The following ACAT2 variants were observed in gnomAD, a reference collection of about 807,000 sequenced individuals.
The protein encoded by ACAT2 is acetyl-CoA acetyltransferase, cytosolic.
Under a neutral mutation model 37.1 loss-of-function variants are expected in ACAT2, and 26 were observed. The observed-to-expected ratio is 0.70, with a 90% CI of 0.51 to 0.97. The LOEUF (loss-of-function observed/expected upper bound fraction) is 0.97, where lower values mean the gene tolerates loss of function less well. Among genes scored for constraint, ACAT2 ranks in the 50% least tolerant of loss-of-function variants. The pLI is 0.00. For missense variants in ACAT2, 468 were observed against 489.0 expected, an observed-to-expected ratio of 0.96 and a Z score of 0.40; for synonymous variants, 156 against 163.6, an observed-to-expected ratio of 0.95 and a Z score of 0.35.
At chr6:159,766,950 T>G in intron 2 of ACAT2, 55 bp from the exon 3 acceptor site, 1 of 1,603,078 alleles carries the variant, frequency 6.2e-7, no homozygotes, top group Non-Finnish European at 8.5e-7. Flanking sequence ...ACTTTCACTG[T>G]GACATTTTGT....
rs1562477295 is a variant in ACAT2 at position 159,769,183 on chromosome 6, T to C, written c.490+555T>C. On this transcript the variant is annotated intron_variant, in intron 4 of 8. Coordinates refer to ENST00000367048, the MANE Select transcript of ACAT2 (RefSeq NM_005891.3). ...GCTCTGGTTTTATGTAACACATAAA[T>C]ATGTGAAAAAGGTAATGGGGAAAAG... Among the ~76,000 whole-genome samples the C allele has an allele frequency of 2.6e-5, 4 of 152,248 alleles. No homozygotes were observed. In the South Asian group the frequency reaches 8.3e-4, roughly 32 times the overall value.
At chr6:159,762,641 G>A (rs1266043896) in intron 1 of ACAT2, 19 of 1,438,216 alleles carry the variant, frequency 1.3e-5, no homozygotes, top group Middle Eastern at 1.8e-4. Flanking sequence ...GGGAAGCATG[G>A]GGTCGCATCC....
intron 3 of ACAT2, among the ~76,000 whole-genome samples, chr6:159,768,149 G>A (rs1583126713): frequency 6.6e-6 from 1 of 152,132 alleles, no homozygotes; most frequent in South Asian, 2.1e-4. Flanking sequence ...CATTGAAATA[G>A]GTAACACATT....
At chr6:159,771,321 G>A (rs537800575) in intron 4 of ACAT2, among the ~76,000 whole-genome samples, 2 of 151,788 alleles carry the variant, frequency 1.3e-5, no homozygotes, top group East Asian at 1.9e-4. Context: ...CGGAGGTTGC[G>A]TTGAGCTGAG....
chr6:159,773,880 T>C (rs1780376139), intron 4 of ACAT2, among the ~76,000 whole-genome samples: 1 of 152,218 alleles, frequency 6.6e-6, no homozygotes, highest in African/African-American at 2.4e-5. Context: ...ATCTTACCAA[T>C]AGAAGGAATG....
chr6:159,778,381 G>GA, intron 8 of ACAT2, 101 bp downstream of exon 8: 1 of 480,958 alleles, frequency 2.1e-6, no homozygotes, highest in South Asian at 2.7e-5. Flanking sequence ...AATAGTTAAA[G>GA]AAATACTAGT....
At chr6:159,768,896 G>A (rs1254461793) in intron 4 of ACAT2, among the ~76,000 whole-genome samples, 1 of 152,174 alleles carries the variant, frequency 6.6e-6, no homozygotes, top group Non-Finnish European at 1.5e-5. Context: ...CACAAATAGT[G>A]CTTCTGTGGC....
At chr6:159,778,440 AAAAAAAAAAGACATTGGCTTACTTGGCAT>A in intron 8 of ACAT2, 160 bp downstream of exon 8, 2 of 694,886 alleles carry the variant, frequency 2.9e-6, no homozygotes, top group African/African-American at 1.9e-5. Flanking sequence ...AAAAAAAAAA[AAAAAAAAAAGACATTGGCTTACTTGGCAT>A]AAAAGGAACG....
chr6:159,776,791 CT>C (rs575925293), intron 6 of ACAT2, among the ~76,000 whole-genome samples: 1 of 151,296 alleles, frequency 6.6e-6, no homozygotes, highest in East Asian at 1.9e-4. Flanking sequence ...TGCTGTAATC[CT>C]TTTTTTTTCT....
At position 159,764,121 on chromosome 6, in the gene ACAT2, G is replaced by A. The variant is rs1214567002; in HGVS notation, c.190+1068G>A. ...CTCCTTTTAAAAAGAAGAAGAAGAA[G>A]CAGCAGCAGGGCCAGCCTGACGCAT... On this transcript the variant is annotated intron_variant, in intron 2 of 8. Transcript: ENST00000367048. Among the ~76,000 whole-genome samples the A allele has an allele frequency of 4.6e-5, 7 of 151,808 alleles. No homozygotes were observed. In the South Asian group the frequency reaches 1.5e-3, roughly 32 times the overall value.
At chr6:159,764,959 A>C (rs1455044626) in intron 2 of ACAT2, among the ~76,000 whole-genome samples, 2 of 152,214 alleles carry the variant, frequency 1.3e-5, no homozygotes, top group East Asian at 3.9e-4. Context: ...TACCTTCTAC[A>C]ATCATGTAAC....
At position 159,775,303 on chromosome 6, in the gene ACAT2, A is replaced by G; in HGVS notation, c.624A>G (p.Ser208=). ...AAGAGATTGTACCAGTTTTGGTGTCAACTAGAAAAGGTGAGTATATCATAG... is the reference window on the plus strand; with the variant it reads ...AAGAGATTGTACCAGTTTTGGTGTCGACTAGAAAAGGTGAGTATATCATAG... The part of the protein sequence containing the change: ...FDKEIVPVLV[S]TRKGLIEVKT... The change falls in exon 5 of 9, where the codon TCA becomes TCG. Residue 208 remains serine (S), a synonymous_variant. Coordinates refer to ENST00000367048, the MANE Select transcript of ACAT2 (RefSeq NM_005891.3). 6.2e-7 allele frequency: 1 copy of G among 1,614,206 alleles called. No individual in the cohort carries two copies. The highest frequency in any genetic ancestry group is 8.5e-7 in the Non-Finnish European group (1 of 1,180,010).
chr6:159,773,759 G>A (rs1780374003), intron 4 of ACAT2, among the ~76,000 whole-genome samples: 2 of 152,162 alleles, frequency 1.3e-5, no homozygotes, highest in African/African-American at 4.8e-5. Flanking sequence ...TGAGAGTAAT[G>A]AGTTATAACT....
At chr6:159,763,629 CTTTTTTTTTTTTTTTTTTT>C (rs765044833) in intron 2 of ACAT2, among the ~76,000 whole-genome samples, 7 of 76,376 alleles carry the variant, frequency 9.2e-5, no homozygotes, top group Admixed American at 2.0e-4. Flanking sequence ...TTTTCTTTTC[CTTTTTTTTTTTTTTTTTTT>C]TTTTTTTTTG....
At chr6:159,769,514 A>G (rs1480676825) in intron 4 of ACAT2, among the ~76,000 whole-genome samples, 4 of 152,250 alleles carry the variant, frequency 2.6e-5, no homozygotes, top group Admixed American at 6.5e-5. Context: ...TTAGAAAAAA[A>G]GAAAAGAAAA....
rs140579890 is a variant in ACAT2, at chr6:159,774,766, C to G, written c.491-404C>G. ...CAATTTCTTGAGTTTTATAACTGTG[C>G]TTATGTAAGAAAGTGGCCTTGTTTT... On this transcript the variant is annotated intron_variant, in intron 4 of 8. Coordinates refer to ENST00000367048, the MANE Select transcript of ACAT2 (RefSeq NM_005891.3). 3.7e-3 allele frequency among the ~76,000 whole-genome samples: 557 copies of G among 152,232 alleles called. 3 individuals are homozygous for G. The highest frequency in any genetic ancestry group is 6.4e-3 in the Non-Finnish European group (436 of 68,020).
At chr6:159,767,229 G>T in intron 3 of ACAT2, 43 bp downstream of exon 3, 1 of 1,598,574 alleles carries the variant, frequency 6.3e-7, no homozygotes, top group South Asian at 1.1e-5. Context: ...ACCTCACACT[G>T]AGAAACTCAT....
intron 4 of ACAT2, among the ~76,000 whole-genome samples, chr6:159,774,953 A>C (rs1780390148): frequency 6.6e-6 from 1 of 152,204 alleles, no homozygotes. Flanking sequence ...TTATATAGAA[A>C]GGGAAGGAGA....
At chr6:159,774,467 T>G (rs1185210099) in intron 4 of ACAT2, among the ~76,000 whole-genome samples, 2 of 152,186 alleles carry the variant, frequency 1.3e-5, no homozygotes, top group Non-Finnish European at 2.9e-5. Flanking sequence ...TTTTGTTTTG[T>G]GAGACAGGGT....
Sources: allele counts gnomAD v4.1 joint callset (sites outside exome capture counted in the v4.1 genomes callset), GRCh38; gene constraint gnomAD v4.1.1; transcripts MANE v1.5; gene names NCBI Gene and HGNC (gene_info 2026-07-23, HGNC 2026-07-21).